Variants in AJAP1 observed in about 807,000 individuals in gnomAD.
The protein encoded by AJAP1 is adherens junctions associated protein 1, also known as adherens junction-associated protein 1.
AJAP1 carries 5 observed loss-of-function variants against 35.0 expected under a neutral mutation model. That is an observed-to-expected ratio of 0.14 (90% CI 0.07 to 0.30). The LOEUF is 0.30. Among genes scored for constraint, AJAP1 ranks in the 10% least tolerant of loss-of-function variants. The pLI is 1.00. For synonymous variants in AJAP1, 284 were observed against 249.3 expected (o/e 1.14, Z -1.31); for missense variants, 586 against 571.0 (o/e 1.03, Z -0.27).
At chr1:4,763,993 C>T (rs1641627813) in intron 2 of AJAP1, among the ~76,000 whole-genome samples, 1 of 152,062 alleles carries the variant, frequency 6.6e-6, no homozygotes, top group African/African-American at 2.4e-5. Context: ...TCCCTGCCCA[C>T]TGACCTGAAC....
chr1:4,686,032 G>A (rs960111330), intron 1 of AJAP1, among the ~76,000 whole-genome samples: 1 of 152,196 alleles, frequency 6.6e-6, no homozygotes, highest in Non-Finnish European at 1.5e-5. Context: ...CAAACTGCAG[G>A]CTTGAGGGCA....
In AJAP1 at chr1:4,712,474, G is replaced by C. The variant is rs748330780; in HGVS notation, c.604G>C (p.Gly202Arg). The C allele has an allele frequency of 6.2e-7, 1 of 1,611,506 alleles. No homozygotes were observed. The highest frequency in any genetic ancestry group is 8.5e-7 in the Non-Finnish European group (1 of 1,179,152). Reference sequence around the variant, plus strand: ...GTCCAACACATTTCCGGGCGTTTACGGCCCCACCACGGTCTCCATCCTACA... The same window carrying C: ...GTCCAACACATTTCCGGGCGTTTACCGCCCCACCACGGTCTCCATCCTACA... Reference protein sequence around the residue: ...LESNTFPGVYGPTTVSILQTR... With the variant: ...LESNTFPGVYRPTTVSILQTR... The change falls in exon 2 of 6, where the codon GGC (glycine) becomes CGC (arginine). Residue 202 changes from glycine (G) to arginine (R), a missense_variant. Coordinates refer to ENST00000378191, the MANE Select transcript of AJAP1 (RefSeq NM_018836.4).
intron 2 of AJAP1, among the ~76,000 whole-genome samples, chr1:4,714,339 T>A (rs1181071749): frequency 6.6e-6 from 1 of 152,190 alleles, no homozygotes; most frequent in Non-Finnish European, 1.5e-5. Flanking sequence ...CATCCTGCAC[T>A]GTCAGGCGCC....
intron 5 of AJAP1, among the ~76,000 whole-genome samples, chr1:4,779,183 T>A (rs561741886): frequency 6.6e-6 from 1 of 152,192 alleles, no homozygotes; most frequent in East Asian, 1.9e-4. Context: ...CCTGAAGGAT[T>A]TGAGGCTTGA....
chr1:4,673,713 G>T (rs563855160), intron 1 of AJAP1, among the ~76,000 whole-genome samples: 1 of 152,278 alleles, frequency 6.6e-6, no homozygotes, highest in Non-Finnish European at 1.5e-5. Flanking sequence ...TTGTGTCTCT[G>T]GAATTGGCCA....
intron 5 of AJAP1, among the ~76,000 whole-genome samples, chr1:4,776,231 A>G (rs1203575151): frequency 6.6e-6 from 1 of 152,126 alleles, no homozygotes. Context: ...CAAGTGGGGA[A>G]ACCGAGGCAG....
intron 1 of AJAP1, among the ~76,000 whole-genome samples, chr1:4,695,974 C>T (rs575013652): frequency 6.6e-6 from 1 of 152,232 alleles, no homozygotes. Context: ...TTCATCAATA[C>T]CTCCATGGCC....
chr1:4,769,260 G>T (rs555005598), intron 2 of AJAP1, among the ~76,000 whole-genome samples: 1 of 152,240 alleles, frequency 6.6e-6, no homozygotes, highest in African/African-American at 2.4e-5. Context: ...TTCTTAGCGA[G>T]GACTCTGGAA....
intron 2 of AJAP1, among the ~76,000 whole-genome samples, chr1:4,768,315 CT>C (rs139384583): frequency 0.19 from 27,854 of 150,328 alleles, 3,526 homozygotes; most frequent in Admixed American, 0.31. Context: ...GTTTCCTCCA[CT>C]GTTTGCCGGA....
intron 2 of AJAP1, among the ~76,000 whole-genome samples, chr1:4,747,269 C>G (rs1557637605): frequency 1.3e-5 from 2 of 152,116 alleles, no homozygotes; most frequent in Non-Finnish European, 2.9e-5. Context: ...CTCCACTTGC[C>G]CACACTCCGA....
intron 2 of AJAP1, among the ~76,000 whole-genome samples, chr1:4,726,669 C>T (rs1640666753): frequency 6.6e-6 from 1 of 152,134 alleles, no homozygotes; most frequent in Non-Finnish European, 1.5e-5. Context: ...TTTCTGGTCT[C>T]CACTCTCCAG....
intron 1 of AJAP1, among the ~76,000 whole-genome samples, chr1:4,672,752 CA>C (rs771320673): frequency 1.4e-4 from 22 of 152,300 alleles, no homozygotes; most frequent in African/African-American, 5.3e-4. Flanking sequence ...GATGTGAAAC[CA>C]CACCCCTTAA....
rs547343595 is a variant in AJAP1 at position 4,778,849 on chromosome 1, G to T, written c.*60-3696G>T. Among the ~76,000 whole-genome samples the T allele has an allele frequency of 2.6e-5, 4 of 152,242 alleles. No individual in the cohort carries two copies. The East Asian group carries it at 7.7e-4, about 29-fold the overall frequency. On this transcript the variant is annotated intron_variant, in intron 5 of 5. Coordinates refer to ENST00000378191, the MANE Select transcript of AJAP1 (RefSeq NM_018836.4). ...CATGCCATTAGGGACGGGTCTTAGC[G>T]ACTGAGGACAAAACTGCTTCACACC...
At chr1:4,771,332 T>C (rs1641828981) in intron 3 of AJAP1, among the ~76,000 whole-genome samples, 2 of 152,170 alleles carry the variant, frequency 1.3e-5, no homozygotes, top group Admixed American at 6.5e-5. Flanking sequence ...ATTCCTTTCA[T>C]TGGGAAAACC....
At chr1:4,728,546 T>C (rs941058805) in intron 2 of AJAP1, among the ~76,000 whole-genome samples, 8 of 152,164 alleles carry the variant, frequency 5.3e-5, no homozygotes, top group African/African-American at 1.9e-4. Context: ...CACAGCCTGC[T>C]CTTGCTGTCG....
rs533555508 is a variant in AJAP1, at chr1:4,720,709, G to A, written c.829+8010G>A. Reference sequence around the variant, plus strand: ...AAAGATGCACGAAGCCCACCTCACCGGTGGCTCTGCCAGGGTAATCGAATG... The same window carrying A: ...AAAGATGCACGAAGCCCACCTCACCAGTGGCTCTGCCAGGGTAATCGAATG... On this transcript the variant is annotated intron_variant, in intron 2 of 5. Coordinates refer to ENST00000378191, the MANE Select transcript of AJAP1 (RefSeq NM_018836.4). This position sits in a 1 kb window ranked among gnomAD's most constrained non-coding sequence, Gnocchi z 4.4. Among the ~76,000 whole-genome samples the A allele has an allele frequency of 4.7e-4, 72 of 152,324 alleles. No individual in the cohort carries two copies. The highest frequency in any genetic ancestry group is 1.2e-3 in the South Asian group (6 of 4,818).
rs766387997 is a variant in AJAP1, at chr1:4,712,118, C to T, written c.248C>T (p.Pro83Leu). 7.8e-6 allele frequency: 12 copies of T among 1,540,566 alleles called. No individual in the cohort carries two copies. Among genetic ancestry groups the T allele is most frequent in the South Asian group, 6.1e-5 (5 of 81,450 alleles). The change falls in exon 2 of 6, where the codon CCG becomes CTG. Residue 83 changes from proline (P) to leucine (L), a missense_variant. Physicochemically the swap from Pro to Leu is moderately conservative, Grantham distance 98. Transcript: ENST00000378191. ...RVPAPVWSPR[P>L]PRVERIHGQM... ...CCGGCCCCGGTGTGGAGCCCCCGGCCGCCCCGAGTGGAGCGGATCCACGGG... is the reference window on the plus strand; with the variant it reads ...CCGGCCCCGGTGTGGAGCCCCCGGCTGCCCCGAGTGGAGCGGATCCACGGG...
chr1:4,672,505 C>G (rs886716934), intron 1 of AJAP1, among the ~76,000 whole-genome samples: 3 of 152,180 alleles, frequency 2.0e-5, no homozygotes, highest in Non-Finnish European at 2.9e-5. Flanking sequence ...ATCCCAGGAC[C>G]ACACTGTCTG....
intron 2 of AJAP1, among the ~76,000 whole-genome samples, chr1:4,715,466 C>T (rs558227833): frequency 6.6e-6 from 1 of 152,314 alleles, no homozygotes; most frequent in East Asian, 1.9e-4. Context: ...GATGGATCAC[C>T]TGAGGTCAGG....
Sources: gnomAD v4.1 joint callset for allele counts (sites outside exome capture counted in the v4.1 genomes callset) on GRCh38, gnomAD v4.1.1 for gene constraint, Gnocchi (gnomAD v3.1) non-coding constraint, MANE v1.5 for transcripts, NCBI Gene and HGNC (gene_info 2026-07-23, HGNC 2026-07-21) for gene names.